The following SPATA19 variants were observed in gnomAD, a reference collection of about 807,000 sequenced individuals.
SPATA19 encodes spermatogenesis-associated protein 19, mitochondrial.
Under a neutral mutation model 25.0 loss-of-function variants are expected in SPATA19, and 19 were observed. The ratio of observed to expected loss-of-function variants is 0.76; its 90% CI spans 0.53 to 1.11. The LOEUF (loss-of-function observed/expected upper bound fraction) is 1.11, where lower values mean the gene tolerates loss of function less well. Among genes scored for constraint, SPATA19 ranks in the 50% most tolerant of loss-of-function variants. SPATA19 has a pLI of 0.00. For synonymous variants in SPATA19, 64 were observed against 69.3 expected, an observed-to-expected ratio of 0.92 and a Z score of 0.38; for missense variants, 222 against 211.4, an observed-to-expected ratio of 1.05 and a Z score of -0.31.
downstream of SPATA19, among the ~76,000 whole-genome samples, chr11:133,837,343 G>A (rs1315406730): frequency 3.3e-5 from 5 of 152,192 alleles, no homozygotes; most frequent in Non-Finnish European, 7.3e-5. Context: ...TGCTGGGCAG[G>A]AAAACCTAAA....
At chr11:133,836,297 C>A (rs891364276), downstream of SPATA19, among the ~76,000 whole-genome samples, 1 of 152,152 alleles carries the variant, frequency 6.6e-6, no homozygotes, top group Non-Finnish European at 1.5e-5. Context: ...CCTCGCCCTA[C>A]CTTACTGGAG....
At chr11:133,837,844 A>G (rs944621871), downstream of SPATA19, among the ~76,000 whole-genome samples, 1 of 152,168 alleles carries the variant, frequency 6.6e-6, no homozygotes, top group African/African-American at 2.4e-5. Flanking sequence ...CCCTGGTTAT[A>G]TAATAACGGG....
At chr11:133,839,020 G>T (rs550684146), downstream of SPATA19, among the ~76,000 whole-genome samples, 2 of 152,204 alleles carry the variant, frequency 1.3e-5, no homozygotes, top group Non-Finnish European at 2.9e-5. Context: ...TCATTAAAAA[G>T]TCAGGAAACA....
intron 4 of SPATA19, among the ~76,000 whole-genome samples, chr11:133,843,088 G>T (rs115634489): frequency 6.9e-4 from 105 of 152,278 alleles, no homozygotes; most frequent in Non-Finnish European, 1.3e-3. Flanking sequence ...AGTGGGTTGT[G>T]GGGGGAGATA....
Position 133,844,172 on chromosome 11 carries a change from G to A in SPATA19, c.359+74C>T, listed in dbSNP as rs1938367815. On this transcript the variant is annotated intron_variant, in intron 4 of 6. Coordinates refer to ENST00000299140, the MANE Select transcript of SPATA19 (RefSeq NM_174927.3). Reference sequence around the variant, plus strand: ...ACGACATCTCTAGAGAAGAGCATCTGAGGGTTCGTGAAGAGAGGGGCTTGC... The same window carrying A: ...ACGACATCTCTAGAGAAGAGCATCTAAGGGTTCGTGAAGAGAGGGGCTTGC... 3 of 1,228,846 alleles carry A rather than the reference G, an allele frequency of 2.4e-6. No homozygotes were observed. The South Asian group carries it at 3.6e-5, about 15-fold the overall frequency. 76.1% of individuals were successfully genotyped at this position (1,228,846 alleles called of 1,614,324 possible).
At chr11:133,841,976 C>T in intron 6 of SPATA19, 54 bp downstream of exon 6, 1 of 1,545,456 alleles carries the variant, frequency 6.5e-7, no homozygotes, top group Non-Finnish European at 8.9e-7. Flanking sequence ...CCCCTTCCCA[C>T]TGCCCAGGAT....
downstream of SPATA19, among the ~76,000 whole-genome samples, chr11:133,836,851 A>G (rs1938221457): frequency 2.0e-5 from 3 of 152,294 alleles, no homozygotes; most frequent in African/African-American, 7.2e-5. Context: ...GGGTGCACAC[A>G]CAGCATAACA....
rs774022103 is a variant in SPATA19, at chr11:133,842,029, C to T, written c.*9+1G>A. 2.5e-6 allele frequency: 4 copies of T among 1,613,822 alleles called. No homozygotes were observed. The highest frequency in any genetic ancestry group is 3.4e-6 in the Non-Finnish European group (4 of 1,179,762). ...AGTTCCTCATCCGTCAGCTCTCTCACCTGTTGCTCTCAGCAGTCTGAGGAG... is the reference window on the plus strand; with the variant it reads ...AGTTCCTCATCCGTCAGCTCTCTCATCTGTTGCTCTCAGCAGTCTGAGGAG... On this transcript the variant is annotated splice_donor_variant, in intron 6 of 6. Transcript: ENST00000299140. LOFTEE classifies it low-confidence loss of function (3UTR_SPLICE).
chr11:133,838,901 AT>A (rs1938253168), downstream of SPATA19, among the ~76,000 whole-genome samples: 1 of 152,236 alleles, frequency 6.6e-6, no homozygotes, highest in Admixed American at 6.5e-5. Context: ...AAAAGAAGAC[AT>A]TTATGCAGCC....
At chr11:133,844,768 C>T in intron 2 of SPATA19, 128 bp from the exon 3 acceptor site, 2 of 1,117,286 alleles carry the variant, frequency 1.8e-6, no homozygotes, top group South Asian at 1.6e-5. Context: ...CACATACACT[C>T]CTTACCTCAC....
At chr11:133,839,692 A>C (rs888387836), downstream of SPATA19, among the ~76,000 whole-genome samples, 14 of 152,180 alleles carry the variant, frequency 9.2e-5, no homozygotes, top group African/African-American at 2.9e-4. Flanking sequence ...ATAATTAAAA[A>C]ATTTAAAAAA....
intron 1 of SPATA19, 68 bp downstream of exon 1, chr11:133,845,301 A>G (rs1048263549): frequency 9.6e-5 from 142 of 1,474,016 alleles, no homozygotes; most frequent in Non-Finnish European, 1.2e-4. Context: ...TATGAAGTGC[A>G]GCAGGGTCCC....
rs997550364 is a variant in SPATA19 at position 133,845,286 on chromosome 11, A to C, written c.78+83T>G. The C allele has an allele frequency of 6.3e-6, 9 of 1,429,792 alleles. No homozygotes were observed. In the East Asian group the frequency reaches 2.1e-4, roughly 34 times the overall value. 88.6% of individuals were successfully genotyped at this position (1,429,792 alleles called of 1,614,324 possible). Reference sequence around the variant, plus strand: ...ACTGTTACTCAAATTTATTTGTAAGATCTCTATGAAGTGCAGCAGGGTCCC... The same window carrying C: ...ACTGTTACTCAAATTTATTTGTAAGCTCTCTATGAAGTGCAGCAGGGTCCC... On this transcript the variant is annotated intron_variant, in intron 1 of 6. Transcript: ENST00000299140.
At chr11:133,844,764 C>CG in intron 2 of SPATA19, 124 bp from the exon 3 acceptor site, 1 of 1,140,684 alleles carries the variant, frequency 8.8e-7, no homozygotes, top group Non-Finnish European at 1.2e-6. Context: ...CACACACATA[C>CG]ACTCCTTACC....
At chr11:133,837,803 A>G (rs1270887104), downstream of SPATA19, among the ~76,000 whole-genome samples, 6 of 151,834 alleles carry the variant, frequency 4.0e-5, no homozygotes, top group African/African-American at 1.5e-4. Flanking sequence ...GGCTTCCCAT[A>G]TTGTGTTAAA....
rs1295592438 is a variant in SPATA19, at chr11:133,845,124, T to C, written c.135+10A>G. The C allele has an allele frequency of 6.2e-7, 1 of 1,612,590 alleles. No homozygotes were observed. ...TTGGATATCCTGAGTCATAAAGAAA[T>C]CTTACTCACTTTTTTCAACCAATGA... On this transcript the variant is annotated intron_variant, in intron 2 of 6. Coordinates refer to ENST00000299140, the MANE Select transcript of SPATA19 (RefSeq NM_174927.3).
At chr11:133,841,268 C>G (rs955223330) in intron 6 of SPATA19, among the ~76,000 whole-genome samples, 1 of 152,162 alleles carries the variant, frequency 6.6e-6, no homozygotes, top group African/African-American at 2.4e-5. Flanking sequence ...CACAACAACG[C>G]CCTCTCTTAA....
downstream of SPATA19, among the ~76,000 whole-genome samples, chr11:133,838,666 C>T (rs1170073673): frequency 2.6e-5 from 4 of 152,076 alleles, no homozygotes; most frequent in African/African-American, 2.4e-5. Flanking sequence ...CAACAAAAGC[C>T]AAAATTGACA....
Position 133,844,596 on chromosome 11 carries a change from G to A in SPATA19, c.180C>T (p.Ile60=). The A allele has an allele frequency of 6.2e-7, 1 of 1,613,604 alleles. No homozygotes were observed. The highest frequency in any genetic ancestry group is 1.1e-5 in the South Asian group (1 of 90,952). ...CCCTTACACCCTGGGAAGGGTGGTT[G>A]ATGGACAGCTTTTCCTTTATGCCCC... is the stretch of plus-strand genomic sequence containing the variant. ...ASRGIKEKLS[I]NHPSQGVREK... is the part of the protein sequence containing the mutation. Residue 60 remains isoleucine (I), a synonymous_variant, in exon 3 of 7, where the codon ATC becomes ATT. Transcript: ENST00000299140.
Sources: gnomAD v4.1 joint callset for allele counts (sites outside exome capture counted in the v4.1 genomes callset) on GRCh38, gnomAD v4.1.1 for gene constraint, MANE v1.5 for transcripts, NCBI Gene and HGNC (gene_info 2026-07-23, HGNC 2026-07-21) for gene names.